Variants in GRIN2A observed in about 807,000 individuals in gnomAD.
GRIN2A encodes glutamate receptor ionotropic, NMDA 2A.
GRIN2A carries 22 observed loss-of-function variants against 113.4 expected under a neutral mutation model. The ratio of observed to expected loss-of-function variants is 0.19; its 90% CI spans 0.14 to 0.28. GRIN2A has a LOEUF of 0.28. GRIN2A is among the 10% of genes least tolerant of loss of function. The pLI is 1.00. For synonymous variants in GRIN2A, 827 were observed against 738.4 expected (o/e 1.12, Z -1.94); for missense variants, 1,502 against 1,887.0 (o/e 0.80, Z 3.78).
At chr16:10,037,997 T>C (rs1324914063) in intron 2 of GRIN2A, among the ~76,000 whole-genome samples, 1 of 152,210 alleles carries the variant, frequency 6.6e-6, no homozygotes, top group Admixed American at 6.5e-5. Context: ...CCTCCCAGTC[T>C]ACATCATAAT....
intron 2 of GRIN2A, among the ~76,000 whole-genome samples, chr16:10,056,723 T>C (rs887332817): frequency 2.6e-5 from 4 of 152,088 alleles, no homozygotes; most frequent in African/African-American, 9.7e-5. Flanking sequence ...ATGATGTACC[T>C]ACAAGCCAAA....
chr16:10,059,142 G>C (rs1457757581), intron 2 of GRIN2A, among the ~76,000 whole-genome samples: 1 of 152,200 alleles, frequency 6.6e-6, no homozygotes, highest in East Asian at 1.9e-4. Context: ...ATAGGAGACA[G>C]AGGAAATGGC....
At chr16:9,818,205 G>A (rs1287427672) in intron 10 of GRIN2A, among the ~76,000 whole-genome samples, 4 of 152,094 alleles carry the variant, frequency 2.6e-5, no homozygotes, top group South Asian at 4.2e-4. Context: ...GTGGTGGGAC[G>A]TTGAGAAGAC....
At chr16:9,954,721 A>G (rs1273979977) in intron 2 of GRIN2A, among the ~76,000 whole-genome samples, 1 of 152,126 alleles carries the variant, frequency 6.6e-6, no homozygotes, top group Non-Finnish European at 1.5e-5. Flanking sequence ...AACAAAACAA[A>G]AAGGTTGGGA....
intron 2 of GRIN2A, among the ~76,000 whole-genome samples, chr16:10,056,557 T>C (rs189245360): frequency 7.9e-4 from 121 of 152,270 alleles, no homozygotes; most frequent in African/African-American, 2.8e-3. Context: ...AATATGACCA[T>C]ATTTGAAAAG....
chr16:9,981,759 C>A (rs1056274600), intron 2 of GRIN2A, among the ~76,000 whole-genome samples: 1 of 152,072 alleles, frequency 6.6e-6, no homozygotes, highest in Non-Finnish European at 1.5e-5. Context: ...TTAGAATACA[C>A]ACAAGGTCTA....
chr16:10,032,050 G>A (rs927703367), intron 2 of GRIN2A, among the ~76,000 whole-genome samples: 66 of 152,260 alleles, frequency 4.3e-4, no homozygotes, highest in African/African-American at 1.4e-3. Flanking sequence ...TTATTACAGC[G>A]CATCGTATTT....
chr16:10,101,797 C>A (rs554980731), intron 2 of GRIN2A, among the ~76,000 whole-genome samples: 1 of 152,206 alleles, frequency 6.6e-6, no homozygotes, highest in Non-Finnish European at 1.5e-5. Flanking sequence ...ACCTTCAGAT[C>A]TTCCGCTGGA....
intron 12 of GRIN2A, among the ~76,000 whole-genome samples, chr16:9,765,566 T>C (rs80229587): frequency 0.011 from 1,746 of 152,264 alleles, 26 homozygotes; most frequent in Non-Finnish European, 0.018. Context: ...GAGGGGGGGA[T>C]AGATGTGGAT....
chr16:9,948,396 G>A (rs2045075587), intron 2 of GRIN2A, among the ~76,000 whole-genome samples: 1 of 152,174 alleles, frequency 6.6e-6, no homozygotes, highest in African/African-American at 2.4e-5. Context: ...GGCATCAGTT[G>A]CTGCTAGTCC....
At chr16:9,805,876 A>AAAT (rs2041956911) in intron 10 of GRIN2A, among the ~76,000 whole-genome samples, 1 of 152,164 alleles carries the variant, frequency 6.6e-6, no homozygotes, top group South Asian at 2.1e-4. Flanking sequence ...ACAAGCTTTG[A>AAAT]AATTGTTTAC....
intron 2 of GRIN2A, among the ~76,000 whole-genome samples, chr16:10,003,573 G>C (rs1416993147): frequency 1.3e-5 from 2 of 152,180 alleles, no homozygotes; most frequent in Non-Finnish European, 2.9e-5. Context: ...CTGAGTTCTT[G>C]GACAAGGCTG....
chr16:9,859,552 C>T (rs1474618564), intron 4 of GRIN2A, among the ~76,000 whole-genome samples: 15 of 151,646 alleles, frequency 9.9e-5, no homozygotes, highest in Non-Finnish European at 2.2e-4. Flanking sequence ...CGCTCACACC[C>T]ACACGTACAA....
rs899691379 is a variant in GRIN2A, at chr16:9,755,571, G to C, written c.*7578C>G. Reference sequence around the variant, plus strand: ...CAGAAAGACATTCCTTCAAATCCCCGCTAGTGTCCTCATCCATCAAATGGG... The same window carrying C: ...CAGAAAGACATTCCTTCAAATCCCCCCTAGTGTCCTCATCCATCAAATGGG... On this transcript the variant is annotated 3_prime_UTR_variant, in exon 13 of 13. Coordinates refer to ENST00000330684, the MANE Select transcript of GRIN2A (RefSeq NM_001134407.3). 5.5e-6 allele frequency: 1 copy of C among 182,958 alleles called. No homozygotes were observed. Among genetic ancestry groups the C allele is most frequent in the Non-Finnish European group, 1.2e-5 (1 of 86,078 alleles). The allele number at this position is 182,958 out of a possible 1,614,324, so 11.3% of individuals were successfully genotyped here. A position where few individuals can be genotyped will look rare whatever the true frequency, so the allele number is the denominator to read the frequency against.
At chr16:9,846,198 C>A (rs1179008723) in intron 5 of GRIN2A, among the ~76,000 whole-genome samples, 2 of 152,076 alleles carry the variant, frequency 1.3e-5, no homozygotes, top group Non-Finnish European at 2.9e-5. Context: ...CCTTGGTGGG[C>A]CCCACCTCTT....
intron 2 of GRIN2A, among the ~76,000 whole-genome samples, chr16:10,046,522 AC>A (rs1453026878): frequency 6.6e-6 from 1 of 151,982 alleles, no homozygotes; most frequent in Non-Finnish European, 1.5e-5. Context: ...TCCATAACAA[AC>A]CTACTTTGCT....
chr16:9,915,380 A>G (rs1427865116), intron 3 of GRIN2A, among the ~76,000 whole-genome samples: 1 of 152,052 alleles, frequency 6.6e-6, no homozygotes, highest in Non-Finnish European at 1.5e-5. Context: ...CACCTTCCTT[A>G]AGAACAGCAC....
At chr16:10,090,549 C>T (rs561448553) in intron 2 of GRIN2A, among the ~76,000 whole-genome samples, 1 of 151,914 alleles carries the variant, frequency 6.6e-6, no homozygotes, top group African/African-American at 2.4e-5. Context: ...AGATCTTAGA[C>T]CTAAATATAA....
At chr16:9,974,824 C>A (rs527557050) in intron 2 of GRIN2A, among the ~76,000 whole-genome samples, 3 of 152,244 alleles carry the variant, frequency 2.0e-5, no homozygotes, top group African/African-American at 7.2e-5. Context: ...ATTTGGAAGC[C>A]TTTTATTTCT....
Sources: gnomAD v4.1 joint callset for allele counts (sites outside exome capture counted in the v4.1 genomes callset) on GRCh38, gnomAD v4.1.1 for gene constraint, MANE v1.5 for transcripts, NCBI Gene and HGNC (gene_info 2026-07-23, HGNC 2026-07-21) for gene names.